The following MGAT4D variants were observed in gnomAD, a reference collection of about 807,000 sequenced individuals.
MGAT4D encodes the protein MGAT4 family member D.
Under a neutral mutation model 15.9 loss-of-function variants are expected in MGAT4D, and 34 were observed. The ratio of observed to expected loss-of-function variants is 2.14; its 90% CI spans 1.62 to 2.84. MGAT4D has a LOEUF of 2.84. Among genes scored for constraint, MGAT4D ranks in the 30% most tolerant of loss-of-function variants. MGAT4D has a pLI of 0.00. For missense variants in MGAT4D, 327 were observed against 140.2 expected (o/e 2.33, Z -6.73); for synonymous variants, 112 against 48.2 (o/e 2.33, Z -5.49).
At chr4:140,459,676 A>G in intron 7 of MGAT4D, 50 bp from the exon 8 acceptor site, 1 of 388,974 alleles carries the variant, frequency 2.6e-6, no homozygotes, top group East Asian at 3.7e-5. Context: ...GCTTCCATTG[A>G]GTAAAGCTAT....
chr4:140,478,725 T>G (rs1399774141), intron 3 of MGAT4D, among the ~76,000 whole-genome samples: 1 of 151,368 alleles, frequency 6.6e-6, no homozygotes, highest in Non-Finnish European at 1.5e-5. Context: ...ACAACACTAC[T>G]TATTCCCAAG....
intron 8 of MGAT4D, chr4:140,458,333 G>C (rs1030040138): frequency 1.3e-5 from 2 of 152,134 alleles, no homozygotes; most frequent in African/African-American, 4.8e-5. Flanking sequence ...TTCACTTGTA[G>C]ACAGCAAAAC....
intron 1 of MGAT4D, among the ~76,000 whole-genome samples, chr4:140,497,601 G>A (rs1380078969): frequency 6.6e-6 from 1 of 152,208 alleles, no homozygotes; most frequent in Non-Finnish European, 1.5e-5. Context: ...GGCCGGCGCT[G>A]TAGGTGGTCA....
intron 3 of MGAT4D, among the ~76,000 whole-genome samples, chr4:140,476,599 G>C (rs901923613): frequency 1.3e-5 from 2 of 152,106 alleles, no homozygotes; most frequent in Non-Finnish European, 2.9e-5. Flanking sequence ...GCATTTACAA[G>C]AATTTAAAAG....
At chr4:140,458,898 T>G (rs964004145) in intron 8 of MGAT4D, 1 of 151,882 alleles carries the variant, frequency 6.6e-6, no homozygotes, top group African/African-American at 2.4e-5. Context: ...AATAATGTCA[T>G]GCACCATAAT....
chr4:140,456,589 A>C lies in MGAT4D; in HGVS notation c.1008T>G (p.Leu336=). 3.0e-6 allele frequency: 2 copies of C among 656,434 alleles called. No individual in the cohort carries two copies. Among genetic ancestry groups the C allele is most frequent in the Non-Finnish European group, 5.5e-6 (2 of 364,024 alleles). 40.7% of individuals were successfully genotyped at this position (656,434 alleles called of 1,614,324 possible). A position where few individuals can be genotyped will look rare whatever the true frequency, so the allele number is the denominator to read the frequency against. The change falls in exon 9 of 11, where the codon CTT becomes CTG. Residue 336 remains leucine (L), a splice_region_variant and synonymous_variant. Coordinates refer to ENST00000511113, the MANE Select transcript of MGAT4D (RefSeq NM_001277353.2). The part of the protein sequence containing the change: ...QVKVCDAGED[L]RNCMKRKKQI... Reference sequence around the variant, plus strand: ...TGGTATTCATAAAGTAAATACTCACAAGATCTTCTCCTGCGTCACACACCT... The same window carrying C: ...TGGTATTCATAAAGTAAATACTCACCAGATCTTCTCCTGCGTCACACACCT...
At position 140,471,765 on chromosome 4, in the gene MGAT4D, C is replaced by A; in HGVS notation, c.572+10G>T. The stretch of plus-strand genomic sequence containing the variant: ...ATGGCTAATGTAAAAATATATCAGA[C>A]AGTACTTACTTTTTTGTAATCATTT... On this transcript the variant is annotated intron_variant, in intron 5 of 10. Transcript: ENST00000511113. 2.1e-6 allele frequency: 1 copy of A among 469,538 alleles called. No individual in the cohort carries two copies. The highest frequency in any genetic ancestry group is 3.9e-6 in the Non-Finnish European group (1 of 258,786). 29.1% of individuals were successfully genotyped at this position (469,538 alleles called of 1,614,324 possible).
intron 8 of MGAT4D, chr4:140,459,222 T>TTTAATA (rs1309389057): frequency 5.9e-6 from 1 of 170,290 alleles, no homozygotes; most frequent in Non-Finnish European, 1.2e-5. Context: ...TCAGCTAACA[T>TTTAATA]GTGTGCCAGA....
Position 140,492,594 on chromosome 4 carries a change from C to A in MGAT4D, c.94+5535G>T, listed in dbSNP as rs191791290. Among the ~76,000 whole-genome samples, 3 of 151,188 alleles carry A rather than the reference C, an allele frequency of 2.0e-5. No individual in the cohort carries two copies. In the South Asian group the frequency reaches 6.3e-4, roughly 32 times the overall value. On this transcript the variant is annotated intron_variant, in intron 1 of 10. Coordinates refer to ENST00000511113, the MANE Select transcript of MGAT4D (RefSeq NM_001277353.2). ...AGTGAGCCAAGATTGCACCACCGCCCTCTAGCCTGGATGACAGAGCAAGAC... is the reference window on the plus strand; with the variant it reads ...AGTGAGCCAAGATTGCACCACCGCCATCTAGCCTGGATGACAGAGCAAGAC...
intron 10 of MGAT4D, among the ~76,000 whole-genome samples, chr4:140,449,323 CTATT>C (rs1730323258): frequency 6.6e-6 from 1 of 151,966 alleles, no homozygotes; most frequent in Non-Finnish European, 1.5e-5. Context: ...AATTTAAAAA[CTATT>C]TAAGAAAGTT....
At chr4:140,458,928 T>C (rs1213394125) in intron 8 of MGAT4D, 3 of 151,958 alleles carry the variant, frequency 2.0e-5, no homozygotes, top group Non-Finnish European at 4.4e-5. Flanking sequence ...ATGGTAATAC[T>C]TGAGGTTCAA....
chr4:140,469,660 G>C, intron 5 of MGAT4D, among the ~76,000 whole-genome samples: 1 of 152,148 alleles, frequency 6.6e-6, no homozygotes, highest in African/African-American at 2.4e-5. Context: ...CCCACTTCTT[G>C]ATTGTTTTGC....
At chr4:140,458,261 G>A (rs1396945675) in intron 8 of MGAT4D, 2 of 152,306 alleles carry the variant, frequency 1.3e-5, no homozygotes, top group Middle Eastern at 3.4e-3. Context: ...TGAGTGATAA[G>A]TGATAAGTCA....
intron 4 of MGAT4D, among the ~76,000 whole-genome samples, chr4:140,472,260 G>C (rs1161721026): frequency 2.6e-5 from 4 of 152,020 alleles, no homozygotes; most frequent in Non-Finnish European, 5.9e-5. Flanking sequence ...TATTTCTCCA[G>C]ACAGTATTAC....
In MGAT4D at chr4:140,443,367, T is replaced by C. The variant is rs1729889861; in HGVS notation, c.*69A>G. 2.1e-6 allele frequency: 1 copy of C among 470,526 alleles called. No homozygotes were observed. Among genetic ancestry groups the C allele is most frequent in the Non-Finnish European group, 3.8e-6 (1 of 264,830 alleles). 29.1% of individuals were successfully genotyped at this position (470,526 alleles called of 1,614,324 possible). A position where few individuals can be genotyped will look rare whatever the true frequency, so the allele number is the denominator to read the frequency against. On this transcript the variant is annotated 3_prime_UTR_variant, in exon 11 of 11. Transcript: ENST00000511113. ...TATGTATTTTCATTACTACAATTTC[T>C]GAAACATGCCATTAGATATCAAGGT...
intron 5 of MGAT4D, among the ~76,000 whole-genome samples, chr4:140,471,121 G>A (rs112109485): frequency 0.086 from 13,007 of 151,892 alleles, 556 homozygotes; most frequent in South Asian, 0.11. Context: ...CGAACTCCTG[G>A]GCTCAAGCAA....
chr4:140,466,380 T>C (rs947959670), intron 5 of MGAT4D, among the ~76,000 whole-genome samples: 2 of 152,162 alleles, frequency 1.3e-5, no homozygotes, highest in Non-Finnish European at 2.9e-5. Flanking sequence ...CTCAGAGATA[T>C]TTCATGACAT....
At chr4:140,451,162 A>T (rs1489710278) in intron 10 of MGAT4D, among the ~76,000 whole-genome samples, 6 of 152,144 alleles carry the variant, frequency 3.9e-5, no homozygotes, top group African/African-American at 9.7e-5. Flanking sequence ...AAATTGCACA[A>T]CTGGGAACAG....
At chr4:140,486,281 G>A (rs1465209806) in intron 1 of MGAT4D, among the ~76,000 whole-genome samples, 3 of 151,904 alleles carry the variant, frequency 2.0e-5, no homozygotes, top group Non-Finnish European at 2.9e-5. Context: ...ATTGTTTTCT[G>A]CTAAGACATT....
Sources: gnomAD v4.1 joint callset for allele counts (sites outside exome capture counted in the v4.1 genomes callset) on GRCh38, gnomAD v4.1.1 for gene constraint, MANE v1.5 for transcripts, NCBI Gene and HGNC (gene_info 2026-07-23, HGNC 2026-07-21) for gene names.